Variants in TIAM2 observed in about 807,000 individuals in gnomAD.
TIAM2 encodes the protein rho guanine nucleotide exchange factor TIAM2.
In TIAM2, 80 loss-of-function variants were observed where a neutral mutation model predicts 152.9. The observed-to-expected ratio is 0.52, with a 90% CI of 0.44 to 0.63. TIAM2 has a LOEUF of 0.63. Ranked by LOEUF, TIAM2 falls within the 30% of genes least tolerant of loss-of-function variation. The pLI, the probability that TIAM2 is intolerant of heterozygous loss-of-function variation, is 0.00. For missense variants in TIAM2, 1,965 were observed against 2,120.1 expected (o/e 0.93, Z 1.44); for synonymous variants, 804 against 838.0 (o/e 0.96, Z 0.70).
rs764955696 is a variant in TIAM2, at chr6:155,176,962, G to A, written c.2508G>A (p.Leu836=). The stretch of plus-strand genomic sequence containing the variant: ...CAGAGCACAGAGTAGAAGATATTTT[G>A]ACTTTGGCATGCAAGGTAACGGATT... The part of the protein sequence containing the change: ...IKPEHRVEDI[L]TLACKMRQLE... The change falls in exon 10 of 27, where the codon TTG becomes TTA. Residue 836 remains leucine, a synonymous_variant. Coordinates refer to ENST00000682666, the MANE Select transcript of TIAM2 (RefSeq NM_012454.4). 1 of 1,606,350 alleles carries A rather than the reference G, an allele frequency of 6.2e-7. No homozygotes were observed. Among genetic ancestry groups the A allele is most frequent in the South Asian group, 1.1e-5 (1 of 89,176 alleles).
chr6:155,007,423 C>T (rs560932072), intron 1 of TIAM2, among the ~76,000 whole-genome samples: 72 of 147,846 alleles, frequency 4.9e-4, no homozygotes, highest in South Asian at 8.6e-4. Flanking sequence ...CTCGCTCTGT[C>T]GCCCAGGCTG....
At chr6:155,188,890 T>C (rs1231299405) in intron 14 of TIAM2, among the ~76,000 whole-genome samples, 1 of 152,220 alleles carries the variant, frequency 6.6e-6, no homozygotes, top group Non-Finnish European at 1.5e-5. Context: ...AGAAAAGACC[T>C]ATGTTCCTCC....
intron 2 of TIAM2, among the ~76,000 whole-genome samples, chr6:155,096,518 A>G (rs1353548233): frequency 6.6e-6 from 1 of 151,966 alleles, no homozygotes; most frequent in Non-Finnish European, 1.5e-5. Context: ...TACCCTTCCC[A>G]GCCTCTGGCA....
At chr6:155,233,940 G>T (rs1234170798) in intron 15 of TIAM2, among the ~76,000 whole-genome samples, 1 of 151,206 alleles carries the variant, frequency 6.6e-6, no homozygotes, top group African/African-American at 2.4e-5. Flanking sequence ...TCCAGCCTGG[G>T]TGGCAGAGTG....
chr6:155,038,106 A>G (rs943526974), intron 1 of TIAM2, among the ~76,000 whole-genome samples: 2 of 152,196 alleles, frequency 1.3e-5, no homozygotes, highest in Admixed American at 6.5e-5. Context: ...AAGGGCACAA[A>G]TCATGGTGTG....
intron 14 of TIAM2, among the ~76,000 whole-genome samples, chr6:155,207,459 T>C (rs1476207867): frequency 6.6e-6 from 1 of 152,330 alleles, no homozygotes; most frequent in East Asian, 1.9e-4. Flanking sequence ...GGACTCTGTA[T>C]GCACAGATGC....
At chr6:155,073,122 G>T (rs1777877019) in intron 1 of TIAM2, among the ~76,000 whole-genome samples, 1 of 147,722 alleles carries the variant, frequency 6.8e-6, no homozygotes, top group Admixed American at 6.7e-5. Flanking sequence ...ATTATTTGCT[G>T]TGCCTGGTGC....
chr6:155,085,320 A>C (rs1562311001), intron 1 of TIAM2, among the ~76,000 whole-genome samples: 1 of 152,232 alleles, frequency 6.6e-6, no homozygotes. Flanking sequence ...TAACAAATGC[A>C]TTCTACTTAC....
intron 1 of TIAM2, among the ~76,000 whole-genome samples, chr6:155,078,993 T>C (rs1228864211): frequency 6.6e-6 from 1 of 152,168 alleles, no homozygotes; most frequent in African/African-American, 2.4e-5. Context: ...TTTTGGTGTT[T>C]TTCTTTTTTT....
intron 26 of TIAM2, chr6:155,254,874 C>T (rs977392276): frequency 1.4e-5 from 4 of 291,114 alleles, no homozygotes; most frequent in African/African-American, 6.3e-5. Flanking sequence ...GCTGTATTCC[C>T]AGTGCTCAGA....
At chr6:155,056,283 T>G (rs1777450901) in intron 1 of TIAM2, among the ~76,000 whole-genome samples, 1 of 150,060 alleles carries the variant, frequency 6.7e-6, no homozygotes, top group African/African-American at 2.5e-5. Context: ...GCGATTCTCC[T>G]GGCTCAGCCT....
rs752920754 is a variant in TIAM2, at chr6:155,176,855, G to A, written c.2401G>A (p.Gly801Ser). The A allele has an allele frequency of 4.3e-6, 7 of 1,613,804 alleles. No homozygotes were observed. The highest frequency in any genetic ancestry group is 2.2e-5 in the East Asian group (1 of 44,888). Residue 801 changes from glycine to serine, a missense_variant, in exon 10 of 27, where the codon GGT (glycine) becomes AGT (serine). Physicochemically the swap from Gly to Ser is moderately conservative, Grantham distance 56. Transcript: ENST00000682666. ...GCATATATATGGTTCAACAGTAGAC[G>A]GTGTTCCCCGAGACAATGCATGGGA... ...LLHIYGSTVD[G>S]VPRDNAWEIQ...
intron 14 of TIAM2, among the ~76,000 whole-genome samples, chr6:155,202,574 A>T (rs1162566836): frequency 6.8e-6 from 1 of 146,854 alleles, no homozygotes; most frequent in South Asian, 2.1e-4. Context: ...GTGCACCACC[A>T]TACCTGGATA....
intron 2 of TIAM2, among the ~76,000 whole-genome samples, chr6:155,122,513 T>TA (rs1779186253): frequency 8.2e-4 from 123 of 149,192 alleles, no homozygotes; most frequent in Middle Eastern, 3.4e-3. Context: ...GAATGGAGAA[T>TA]GGATGGTAGG....
chr6:155,028,671 TTATA>T (rs1303144431), intron 1 of TIAM2, among the ~76,000 whole-genome samples: 1 of 132,886 alleles, frequency 7.5e-6, no homozygotes, highest in African/African-American at 2.8e-5. Flanking sequence ...ATATACTGTG[TTATA>T]TATATACTAC....
intron 15 of TIAM2, among the ~76,000 whole-genome samples, chr6:155,230,572 A>G (rs943903431): frequency 6.6e-6 from 1 of 152,174 alleles, no homozygotes; most frequent in South Asian, 2.1e-4. Flanking sequence ...TTATGGAAGC[A>G]GAATGTCTTA....
intron 15 of TIAM2, 141 bp from the exon 16 acceptor site, chr6:155,240,389 T>G: frequency 1.3e-6 from 1 of 773,546 alleles, no homozygotes; most frequent in Non-Finnish European, 1.9e-6. Context: ...GGGTTTGAGG[T>G]GAATGAAACC....
intron 1 of TIAM2, among the ~76,000 whole-genome samples, chr6:155,020,664 T>C (rs1195847572): frequency 6.6e-6 from 1 of 152,190 alleles, no homozygotes; most frequent in Admixed American, 6.5e-5. Flanking sequence ...GGTTTCGTCA[T>C]GTTGGCCAGG....
chr6:155,012,806 C>T (rs541773693), intron 1 of TIAM2, among the ~76,000 whole-genome samples: 50 of 152,344 alleles, frequency 3.3e-4, no homozygotes, highest in Non-Finnish European at 2.4e-4. Context: ...CCTACTCGGG[C>T]TCCCAAAGTG....
Sources: gnomAD v4.1 joint callset for allele counts (sites outside exome capture counted in the v4.1 genomes callset) on GRCh38, gnomAD v4.1.1 for gene constraint, MANE v1.5 for transcripts, NCBI Gene and HGNC (gene_info 2026-07-23, HGNC 2026-07-21) for gene names.